The following MTMR14 variants were observed in gnomAD, a reference collection of about 807,000 sequenced individuals.
MTMR14 encodes the protein myotubularin related protein 14.
MTMR14 carries 48 observed loss-of-function variants against 86.3 expected under a neutral mutation model. The ratio of observed to expected loss-of-function variants is 0.56; its 90% confidence interval spans 0.44 to 0.71. The LOEUF (loss-of-function observed/expected upper bound fraction) is 0.71, where lower values mean the gene tolerates loss of function less well. Among genes scored for constraint, MTMR14 ranks in the 30% least tolerant of loss-of-function variants. MTMR14 has a pLI of 0.00. For synonymous variants in MTMR14, 366 were observed against 326.1 expected (o/e 1.12, Z -1.32); for missense variants, 780 against 834.6 (o/e 0.93, Z 0.81).
At chr3:9,683,337 C>T (rs953204803) in intron 10 of MTMR14, 93 bp downstream of exon 10, 3 of 1,236,036 alleles carry the variant, frequency 2.4e-6, no homozygotes, top group Non-Finnish European at 3.6e-6. Flanking sequence ...TGGAGTTGCA[C>T]ACCTTACTTT....
intron 18 of MTMR14, among the ~76,000 whole-genome samples, chr3:9,699,119 T>A (rs1249477087): frequency 6.8e-6 from 1 of 147,262 alleles, no homozygotes; most frequent in Non-Finnish European, 1.5e-5. Flanking sequence ...TTGCCGTGAG[T>A]CGAGATCATG....
chr3:9,658,927 C>A (rs561730292), intron 2 of MTMR14, among the ~76,000 whole-genome samples: 1 of 152,188 alleles, frequency 6.6e-6, no homozygotes, highest in African/African-American at 2.4e-5. Flanking sequence ...TGGTGGCTCA[C>A]GCCTATAATC....
In MTMR14 at chr3:9,667,159, AT is replaced by A. The variant is rs1391801663; in HGVS notation, c.418-1559del. On this transcript the variant is annotated intron_variant, in intron 3 of 18. Coordinates refer to ENST00000296003, the MANE Select transcript of MTMR14 (RefSeq NM_001077525.3). Reference sequence around the variant, plus strand: ...ATCTGCTCTGAAAGATTTAACAGAAATAATGCAAAGGAGAGTGAGGTCAGCT... The same window carrying A: ...ATCTGCTCTGAAAGATTTAACAGAAAAATGCAAAGGAGAGTGAGGTCAGCT... Among the ~76,000 whole-genome samples, 23 of 152,200 alleles carry A rather than the reference AT, an allele frequency of 1.5e-4. 1 individual carries two copies. The highest frequency in any genetic ancestry group is 5.3e-4 in the African/African-American group (22 of 41,440).
intron 2 of MTMR14, among the ~76,000 whole-genome samples, chr3:9,659,258 G>C (rs141334766): frequency 1.3e-5 from 2 of 152,040 alleles, no homozygotes; most frequent in African/African-American, 4.8e-5. Context: ...TCACTACCTG[G>C]TAACATCTTG....
chr3:9,685,228 G>A lies in MTMR14; in HGVS notation c.1145G>A (p.Arg382Gln), dbSNP rs1559602166. The A allele has an allele frequency of 1.2e-6, 2 of 1,614,040 alleles. No individual in the cohort carries two copies. Among genetic ancestry groups the A allele is most frequent in the African/African-American group, 1.3e-5 (1 of 74,976 alleles). ...WFLFGHMLVD[R>Q]LSKGEEIFFF... ...TTTTTCAGGCACATGTTGGTAGATC[G>A]GCTCAGCAAAGGGGAGGAGGTGAGT... Residue 382 changes from arginine (R) to glutamine (Q), a missense_variant, in exon 13 of 19, where the codon CGG becomes CAG. Physicochemically the swap from Arg to Gln is conservative, Grantham distance 43 (BLOSUM62 1). Coordinates refer to ENST00000296003, the MANE Select transcript of MTMR14 (RefSeq NM_001077525.3).
At position 9,649,604 on chromosome 3, in the gene MTMR14, C is replaced by T. The variant is rs2047159592; in HGVS notation, c.21C>T (p.Ala7=). The part of the protein sequence containing the change: MAGARA[A]AAAASAGSSA... ...GGGCCATGGCCGGCGCTCGGGCCGC[C>T]GCCGCCGCTGCCTCGGCGGGGTCCT... The change falls in exon 1 of 19, where the codon GCC becomes GCT. Residue 7 remains alanine (A), a synonymous_variant. Coordinates refer to ENST00000296003, the MANE Select transcript of MTMR14 (RefSeq NM_001077525.3). 1.3e-6 allele frequency: 2 copies of T among 1,547,094 alleles called. No homozygotes were observed. The highest frequency in any genetic ancestry group is 1.7e-6 in the Non-Finnish European group (2 of 1,146,114).
intron 13 of MTMR14, among the ~76,000 whole-genome samples, chr3:9,687,385 C>T (rs2075993450): frequency 6.6e-6 from 1 of 151,966 alleles, no homozygotes; most frequent in Non-Finnish European, 1.5e-5. Flanking sequence ...GAAACCCTGT[C>T]TCTAATAAAA....
At chr3:9,697,989 CCT>C in intron 18 of MTMR14, 123 bp downstream of exon 18, 4 of 1,361,328 alleles carry the variant, frequency 2.9e-6, no homozygotes, top group Non-Finnish European at 3.1e-6. Context: ...CCTGCCCTCC[CCT>C]CTCTCAGCTG....
intron 5 of MTMR14, among the ~76,000 whole-genome samples, chr3:9,670,172 T>G (rs1284528890): frequency 6.6e-6 from 1 of 152,274 alleles, no homozygotes; most frequent in Non-Finnish European, 1.5e-5. Flanking sequence ...ATCTCTGGAA[T>G]GCACACAAGC....
At chr3:9,687,740 C>A (rs987371583) in intron 13 of MTMR14, 81 bp from the exon 14 acceptor site, 23 of 1,192,526 alleles carry the variant, frequency 1.9e-5, no homozygotes, top group Non-Finnish European at 2.8e-5. Flanking sequence ...GGGGCCTTGA[C>A]CTGAGTGGCT....
At chr3:9,698,184 T>A (rs766238487) in intron 18 of MTMR14, among the ~76,000 whole-genome samples, 1 of 152,070 alleles carries the variant, frequency 6.6e-6, no homozygotes. Context: ...GAGAATCGTT[T>A]GAAGGCAGAA....
intron 9 of MTMR14, 103 bp from the exon 10 acceptor site, chr3:9,683,075 T>C (rs1483863020): frequency 4.0e-5 from 41 of 1,023,770 alleles, no homozygotes; most frequent in Non-Finnish European, 5.6e-5. Context: ...CCAAGGACCT[T>C]GTGTAGTTGT....
intron 2 of MTMR14, among the ~76,000 whole-genome samples, chr3:9,662,000 A>G (rs1203339942): frequency 6.6e-6 from 1 of 151,838 alleles, no homozygotes; most frequent in Non-Finnish European, 1.5e-5. Flanking sequence ...AGACAGGAGA[A>G]TTGCTTGAAC....
intron 2 of MTMR14, among the ~76,000 whole-genome samples, chr3:9,655,624 C>G (rs532660168): frequency 1.3e-5 from 2 of 151,074 alleles, no homozygotes; most frequent in Non-Finnish European, 3.0e-5. Context: ...CCACGCCCAG[C>G]TACTTTTTTT....
intron 12 of MTMR14, 42 bp from the exon 13 acceptor site, chr3:9,685,169 C>G (rs757340836): frequency 2.5e-6 from 4 of 1,613,988 alleles, no homozygotes; most frequent in Non-Finnish European, 3.4e-6. Flanking sequence ...GCCTTGTCAT[C>G]TTGGTGCTGC....
intron 10 of MTMR14, 110 bp downstream of exon 10, chr3:9,683,354 G>A (rs2075832932): frequency 1.9e-6 from 2 of 1,059,578 alleles, no homozygotes; most frequent in East Asian, 4.9e-5. Flanking sequence ...CTTTTGTGCT[G>A]TGGGAGAGGA....
Position 9,689,468 on chromosome 3 carries a change from A to G in MTMR14, c.1433+386A>G, listed in dbSNP as rs191007070. On this transcript the variant is annotated intron_variant, in intron 16 of 18. Transcript: ENST00000296003. ...ATGGGGAATTGGGAACTTGAGGGTC[A>G]GCTCCTTTGAGAATCTCATGAAATT... is the stretch of plus-strand genomic sequence containing the variant. Among the ~76,000 whole-genome samples the G allele has an allele frequency of 1.2e-3, 178 of 152,338 alleles. 2 individuals carry two copies. The East Asian group carries it at 0.027, about 23-fold the overall frequency.
chr3:9,654,731 A>G (rs2047499168), intron 2 of MTMR14, among the ~76,000 whole-genome samples: 1 of 152,210 alleles, frequency 6.6e-6, no homozygotes, highest in East Asian at 1.9e-4. Context: ...GCCCCTTGCT[A>G]CTCAAAGCAG....
intron 3 of MTMR14, among the ~76,000 whole-genome samples, chr3:9,667,035 C>T (rs571280927): frequency 1.3e-5 from 2 of 152,250 alleles, no homozygotes; most frequent in Admixed American, 1.3e-4. Flanking sequence ...GTCTGGCTGC[C>T]TCAATTACTA....
Sources: allele counts gnomAD v4.1 joint callset (sites outside exome capture counted in the v4.1 genomes callset), GRCh38; gene constraint gnomAD v4.1.1; transcripts MANE v1.5; gene names NCBI Gene and HGNC (gene_info 2026-07-23, HGNC 2026-07-21).